The following DYNC2H1 variants were observed in gnomAD, a reference collection of about 807,000 sequenced individuals.
The protein encoded by DYNC2H1 is cytoplasmic dynein 2 heavy chain 1.
In DYNC2H1, 410 loss-of-function variants were observed where a neutral mutation model predicts 570.0. The observed-to-expected ratio is 0.72, with a 90% CI of 0.66 to 0.78. The LOEUF is 0.78. Ranked by LOEUF, DYNC2H1 falls within the 30% of genes least tolerant of loss-of-function variation. The probability of loss-of-function intolerance (pLI) is 0.00; values close to 1 mark genes in which losing one functional copy is unlikely to be tolerated. For missense variants in DYNC2H1, 4,865 were observed against 5,046.4 expected (o/e 0.96, Z 1.09); for synonymous variants, 1,688 against 1,677.6 (o/e 1.01, Z -0.15).
chr11:103,160,750 A>G (rs1361118567), intron 28 of DYNC2H1, among the ~76,000 whole-genome samples, 182 bp from the exon 29 acceptor site: 7 of 152,140 alleles, frequency 4.6e-5, no homozygotes, highest in Admixed American at 3.3e-4. Context: ...TGATTCAGAA[A>G]GTGATTTTTT....
At chr11:103,282,808 T>C (rs184229216) in intron 72 of DYNC2H1, among the ~76,000 whole-genome samples, 200 bp from the exon 73 acceptor site, 94 of 152,202 alleles carry the variant, frequency 6.2e-4, no homozygotes, top group African/African-American at 2.1e-3. Context: ...AAAAAATGAT[T>C]GCAACATTTT....
At chr11:103,460,578 AG>A (rs1168649878) in intron 87 of DYNC2H1, among the ~76,000 whole-genome samples, 2 of 151,564 alleles carry the variant, frequency 1.3e-5, no homozygotes, top group African/African-American at 2.4e-5. Context: ...TTAATGGGGC[AG>A]TCTGAGCCTT....
At chr11:103,110,876 A>G (rs1365273828) in intron 1 of DYNC2H1, among the ~76,000 whole-genome samples, 1 of 150,574 alleles carries the variant, frequency 6.6e-6, no homozygotes, top group African/African-American at 2.5e-5. Flanking sequence ...CCCAGGCTGG[A>G]GTGCAATGGC....
rs539020206 is a variant in DYNC2H1, at chr11:103,394,441, C to T, written c.12157-5222C>T. ...TAACCTAGAGATTATTTAAAGTATA[C>T]AGAATTATGTGTGCAGTTTATGTGC... On this transcript the variant is annotated intron_variant, in intron 83 of 88. Transcript: ENST00000375735. Among the ~76,000 whole-genome samples, 16 of 152,036 alleles carry T rather than the reference C, an allele frequency of 1.1e-4. No individual in the cohort carries two copies. The South Asian group carries it at 2.9e-3, about 28-fold the overall frequency.
intron 50 of DYNC2H1, among the ~76,000 whole-genome samples, chr11:103,202,309 T>TTTA (rs1862754602): frequency 6.8e-6 from 1 of 147,910 alleles, no homozygotes; most frequent in Non-Finnish European, 1.5e-5. Flanking sequence ...TTTTTTTTTT[T>TTTA]TTTGGAAAGC....
intron 83 of DYNC2H1, among the ~76,000 whole-genome samples, chr11:103,373,185 T>C (rs1941243653): frequency 6.6e-6 from 1 of 152,178 alleles, no homozygotes; most frequent in Non-Finnish European, 1.5e-5. Context: ...TCTGCCCATT[T>C]TGGCCTCCCA....
chr11:103,370,666 A>C (rs1176918005), intron 83 of DYNC2H1, among the ~76,000 whole-genome samples: 2 of 152,180 alleles, frequency 1.3e-5, no homozygotes, highest in African/African-American at 4.8e-5. Flanking sequence ...GGAAGAGAAC[A>C]AGAGTCCCTG....
rs1320152777 is a variant in DYNC2H1 at position 103,163,772 on chromosome 11, T to A, written c.4611+625T>A. ...TTACAGGTGTAGGTCATCAGGAACT[T>A]TAGTTCTTAGGGACTGTGGATGGTA... is the stretch of plus-strand genomic sequence containing the variant. On this transcript the variant is annotated intron_variant, in intron 30 of 88. Coordinates refer to ENST00000375735, the MANE Select transcript of DYNC2H1 (RefSeq NM_001377.3). The surrounding 1 kb of genome is among the most constrained non-coding windows in gnomAD (Gnocchi z 4.6). Among the ~76,000 whole-genome samples the A allele has an allele frequency of 6.6e-6, 1 of 152,114 alleles. No individual in the cohort carries two copies. Among genetic ancestry groups the A allele is most frequent in the Non-Finnish European group, 1.5e-5 (1 of 68,004 alleles).
intron 79 of DYNC2H1, among the ~76,000 whole-genome samples, chr11:103,312,507 A>G (rs957522608): frequency 7.3e-6 from 1 of 136,204 alleles, no homozygotes; most frequent in Non-Finnish European, 1.5e-5. Flanking sequence ...ACGCCATTGC[A>G]TTCCAGCCTG....
At chr11:103,424,062 CTACT>C (rs1461087265) in intron 84 of DYNC2H1, among the ~76,000 whole-genome samples, 1 of 152,008 alleles carries the variant, frequency 6.6e-6, no homozygotes, top group African/African-American at 2.4e-5. Flanking sequence ...AAATTAAAGA[CTACT>C]TAAGTAAATG....
chr11:103,416,665 G>A (rs1473400572), intron 84 of DYNC2H1, among the ~76,000 whole-genome samples: 6 of 152,112 alleles, frequency 3.9e-5, no homozygotes, highest in Admixed American at 2.0e-4. Flanking sequence ...AACTCAATAT[G>A]GGTTAAAAAC....
chr11:103,267,329 T>C (rs1591498316), intron 70 of DYNC2H1, among the ~76,000 whole-genome samples: 1 of 150,242 alleles, frequency 6.7e-6, no homozygotes, highest in East Asian at 1.9e-4. Flanking sequence ...TCTTGGCCCT[T>C]CAGTGGGAGC....
chr11:103,136,309 T>G (rs1859545666), intron 17 of DYNC2H1, among the ~76,000 whole-genome samples: 1 of 152,000 alleles, frequency 6.6e-6, no homozygotes, highest in South Asian at 2.1e-4. Context: ...TGTGCCATGC[T>G]GGTGTGCTGC....
intron 75 of DYNC2H1, among the ~76,000 whole-genome samples, chr11:103,297,218 G>T (rs981836022): frequency 3.3e-5 from 5 of 152,058 alleles, no homozygotes; most frequent in African/African-American, 1.2e-4. Flanking sequence ...AATGTGATCA[G>T]TACAGAACTT....
At chr11:103,238,605 C>A (rs1864311240) in intron 63 of DYNC2H1, among the ~76,000 whole-genome samples, 1 of 150,876 alleles carries the variant, frequency 6.6e-6, no homozygotes, top group South Asian at 2.1e-4. Flanking sequence ...ACACACACAC[C>A]CCAATGCTAA....
At chr11:103,463,265 T>C (rs1945082216) in intron 87 of DYNC2H1, among the ~76,000 whole-genome samples, 1 of 152,178 alleles carries the variant, frequency 6.6e-6, no homozygotes, top group East Asian at 1.9e-4. Context: ...AAAATAAAAT[T>C]ATAAGTAGGG....
chr11:103,217,205 G>C (rs12291750), intron 55 of DYNC2H1, among the ~76,000 whole-genome samples: 2 of 1,290 alleles, frequency 1.6e-3, no homozygotes, highest in Admixed American at 0.013. Context: ...AGTTATGGGA[G>C]TTAGGATTTC....
intron 82 of DYNC2H1, among the ~76,000 whole-genome samples, chr11:103,344,298 G>A (rs921960643): frequency 2.0e-5 from 3 of 152,204 alleles, no homozygotes; most frequent in Admixed American, 6.5e-5. Flanking sequence ...TAATAGGATA[G>A]ACATTTTCGT....
At chr11:103,433,994 T>G (rs1271677310) in intron 84 of DYNC2H1, among the ~76,000 whole-genome samples, 2 of 152,156 alleles carry the variant, frequency 1.3e-5, no homozygotes, top group Non-Finnish European at 2.9e-5. Flanking sequence ...TTCCCGTTCC[T>G]TTATTAGAAT....
Sources: allele counts gnomAD v4.1 joint callset (sites outside exome capture counted in the v4.1 genomes callset), GRCh38; gene constraint gnomAD v4.1.1; non-coding constraint Gnocchi (gnomAD v3.1); transcripts MANE v1.5; gene names NCBI Gene and HGNC (gene_info 2026-07-23, HGNC 2026-07-21).